PBLD: variants seen among roughly 807,000 people sequenced by gnomAD.
PBLD encodes phenazine biosynthesis like protein domain containing, also known as phenazine biosynthesis-like domain-containing protein.
In PBLD, 26 loss-of-function variants were observed where a neutral mutation model predicts 31.3. The observed-to-expected ratio is 0.83, with a 90% CI of 0.61 to 1.15. The LOEUF is 1.15. Among genes scored for constraint, PBLD ranks in the 50% most tolerant of loss-of-function variants. The probability of loss-of-function intolerance (pLI) is 0.00; values close to 1 mark genes in which losing one functional copy is unlikely to be tolerated. For missense variants in PBLD, 307 were observed against 351.7 expected (o/e 0.87, Z 1.02); for synonymous variants, 114 against 129.0 (o/e 0.88, Z 0.79).
At chr10:68,324,797 G>A (rs977532352) in intron 1 of PBLD, among the ~76,000 whole-genome samples, 2 of 151,260 alleles carry the variant, frequency 1.3e-5, no homozygotes, top group Non-Finnish European at 2.9e-5. Context: ...TGTATTTTTA[G>A]TACAGACAGG....
At chr10:68,287,414 C>T (rs2044302643) in intron 8 of PBLD, 1 of 152,194 alleles carries the variant, frequency 6.6e-6, no homozygotes, top group South Asian at 2.1e-4. Flanking sequence ...GGAAGCTGCA[C>T]TCTGGATATG....
chr10:68,321,586 AAAC>A (rs1176702267), intron 1 of PBLD, among the ~76,000 whole-genome samples: 6 of 152,258 alleles, frequency 3.9e-5, no homozygotes, highest in Middle Eastern at 3.2e-3. Context: ...TGTGGAAATT[AAAC>A]AACATTCTCT....
intron 4 of PBLD, 68 bp from the exon 5 acceptor site, chr10:68,292,306 A>G: frequency 7.6e-7 from 1 of 1,317,868 alleles, no homozygotes; most frequent in South Asian, 1.3e-5. Context: ...CATTTCAAAC[A>G]CCTTTGCATT....
rs371720548 is a variant in PBLD at position 68,284,237 on chromosome 10, G to A, written c.807C>T (p.Asp269=). The A allele has an allele frequency of 2.7e-5, 44 of 1,613,932 alleles. No homozygotes were observed. Among genetic ancestry groups the A allele is most frequent in the Admixed American group, 3.3e-5 (2 of 59,986 alleles). ...GGELGISLRP[D]GRVDIRGGAA... ...CACCTCCTCTAATGTCAACCCTTCC[G>A]TCTGGACGAAGGGAAATTCCCAGCT... The change falls in exon 10 of 10, where the codon GAC becomes GAT. Residue 269 remains aspartate, a synonymous_variant. Coordinates refer to ENST00000358769, the MANE Select transcript of PBLD (RefSeq NM_022129.4).
Position 68,284,034 on chromosome 10 carries a change from A to G in PBLD, c.*143T>C. On this transcript the variant is annotated 3_prime_UTR_variant, in exon 10 of 10. Coordinates refer to ENST00000358769, the MANE Select transcript of PBLD (RefSeq NM_022129.4). The stretch of plus-strand genomic sequence containing the variant: ...AGTGCTACGATTACAGGCATGAGCC[A>G]CTGCGCCTGGCCCATTTTTCGATTT... The G allele has an allele frequency of 1.4e-6, 1 of 698,128 alleles. No homozygotes were observed. Among genetic ancestry groups the G allele is most frequent in the Non-Finnish European group, 2.4e-6 (1 of 424,112 alleles). The allele number at this position is 698,128 out of a possible 1,614,324, so 43.2% of individuals were successfully genotyped here.
intron 8 of PBLD, chr10:68,287,235 A>C (rs887609121): frequency 6.6e-6 from 1 of 152,352 alleles, no homozygotes; most frequent in African/African-American, 2.4e-5. Context: ...TTCAGTCCCA[A>C]GCAAACTCAG....
intron 1 of PBLD, among the ~76,000 whole-genome samples, chr10:68,320,709 G>A (rs1487202009): frequency 6.6e-6 from 1 of 150,878 alleles, no homozygotes; most frequent in Non-Finnish European, 1.5e-5. Flanking sequence ...ATGGAGATGG[G>A]GTTTCACTAT....
intron 1 of PBLD, among the ~76,000 whole-genome samples, chr10:68,318,384 A>AAG (rs1462442977): frequency 1.4e-5 from 2 of 147,860 alleles, no homozygotes; most frequent in African/African-American, 5.0e-5. Flanking sequence ...TTAAAAAAAA[A>AAG]AAAAAAAAAA....
At chr10:68,306,584 A>C (rs574513645) in intron 2 of PBLD, among the ~76,000 whole-genome samples, 177 bp downstream of exon 2, 3 of 152,220 alleles carry the variant, frequency 2.0e-5, no homozygotes, top group Non-Finnish European at 4.4e-5. Flanking sequence ...AGGCATAGGC[A>C]TTTTTATCAA....
chr10:68,285,243 G>A lies in PBLD; in HGVS notation c.754+105C>T, dbSNP rs1268888947. 3 of 1,588,524 alleles carry A rather than the reference G, an allele frequency of 1.9e-6. No individual in the cohort carries two copies. In the African/African-American group the frequency reaches 4.1e-5, roughly 21 times the overall value. On this transcript the variant is annotated intron_variant, in intron 9 of 9. Coordinates refer to ENST00000358769, the MANE Select transcript of PBLD (RefSeq NM_022129.4). ...TAAAACCTTTCATTTTCACATGGGT[G>A]ATACATGACATTGTATTACATTTTC...
intron 2 of PBLD, among the ~76,000 whole-genome samples, chr10:68,306,061 A>AGGTCAATATTCCTTGACCTTGAG (rs533231995): frequency 6.6e-6 from 1 of 152,148 alleles, no homozygotes; most frequent in African/African-American, 2.4e-5. Flanking sequence ...GACCAACACA[A>AGGTCAATATTCCTTGACCTTGAG]GGTCAATATT....
At chr10:68,312,440 C>T (rs2134499466) in intron 1 of PBLD, among the ~76,000 whole-genome samples, 2 of 152,226 alleles carry the variant, frequency 1.3e-5, no homozygotes, top group Non-Finnish European at 2.9e-5. Flanking sequence ...ATTAGTGATA[C>T]TGAGCATTTT....
intron 2 of PBLD, among the ~76,000 whole-genome samples, chr10:68,301,740 A>T (rs1307448088): frequency 1.3e-5 from 2 of 152,168 alleles, no homozygotes; most frequent in East Asian, 3.8e-4. Context: ...CATTGTAGCC[A>T]AGCTCACCAT....
At chr10:68,323,861 T>A (rs1187384430) in intron 1 of PBLD, among the ~76,000 whole-genome samples, 1 of 152,184 alleles carries the variant, frequency 6.6e-6, no homozygotes, top group African/African-American at 2.4e-5. Context: ...GCAAATTTAC[T>A]TAGCCTGAGG....
chr10:68,321,890 G>T (rs554983990), intron 1 of PBLD, among the ~76,000 whole-genome samples: 7 of 152,308 alleles, frequency 4.6e-5, no homozygotes, highest in Admixed American at 2.0e-4. Context: ...AAATGGAGGA[G>T]AAGAGACAAA....
In PBLD at chr10:68,285,358, T is replaced by C. The variant is rs763023360; in HGVS notation, c.744A>G (p.Lys248=). 9.2e-5 allele frequency: 148 copies of C among 1,614,002 alleles called. No individual in the cohort carries two copies. Among genetic ancestry groups the C allele is most frequent in the Non-Finnish European group, 1.0e-4 (122 of 1,180,010 alleles). ...AAAGAGCTGTCCTACCATGCATTTCTTTCTTCCCCAGATGCTGGGACCAGT... is the reference window on the plus strand; with the variant it reads ...AAAGAGCTGTCCTACCATGCATTTCCTTCTTCCCCAGATGCTGGGACCAGT... ...SSYWSQHLGK[K]EMHAFQCSHR... The change falls in exon 9 of 10, where the codon AAA becomes AAG. Residue 248 remains lysine, a synonymous_variant. Coordinates refer to ENST00000358769, the MANE Select transcript of PBLD (RefSeq NM_022129.4).
Position 68,309,763 on chromosome 10 carries a change from C to T in PBLD, c.-59-2860G>A, listed in dbSNP as rs191699088. ...CAGAGGTTGTGGTGAGCCGAGATCACGCCACTGCTCTCCAGCCTGGTGACA... is the reference window on the plus strand; with the variant it reads ...CAGAGGTTGTGGTGAGCCGAGATCATGCCACTGCTCTCCAGCCTGGTGACA... On this transcript the variant is annotated intron_variant, in intron 1 of 9. Transcript: ENST00000358769. Among the ~76,000 whole-genome samples, 422 of 145,240 alleles carry T rather than the reference C, an allele frequency of 2.9e-3. 24 individuals are homozygous for T. Among genetic ancestry groups the T allele is most frequent in the African/African-American group, 0.01 (403 of 39,034 alleles).
At chr10:68,319,513 T>C (rs562792347) in intron 1 of PBLD, among the ~76,000 whole-genome samples, 1 of 152,090 alleles carries the variant, frequency 6.6e-6, no homozygotes, top group African/African-American at 2.4e-5. Context: ...TGAAACCCCG[T>C]CTCTACTAAA....
intron 1 of PBLD, among the ~76,000 whole-genome samples, chr10:68,327,000 T>C (rs1469817843): frequency 6.6e-6 from 1 of 151,900 alleles, no homozygotes; most frequent in African/African-American, 2.4e-5. Flanking sequence ...TGAGCTGAGA[T>C]CGCGCCACTG....
Sources: gnomAD v4.1 joint callset for allele counts (sites outside exome capture counted in the v4.1 genomes callset) on GRCh38, gnomAD v4.1.1 for gene constraint, MANE v1.5 for transcripts, NCBI Gene and HGNC (gene_info 2026-07-23, HGNC 2026-07-21) for gene names.